Variants in KIF18A observed in about 807,000 individuals in gnomAD.
KIF18A encodes kinesin family member 18A.
In KIF18A, 67 loss-of-function variants were observed where a neutral mutation model predicts 103.3. The ratio of observed to expected loss-of-function variants is 0.65; its 90% confidence interval spans 0.53 to 0.79. The LOEUF (loss-of-function observed/expected upper bound fraction) is 0.79. KIF18A is among the 30% of genes least tolerant of loss of function. KIF18A has a pLI of 0.00. For synonymous variants in KIF18A, 367 were observed against 355.5 expected, an observed-to-expected ratio of 1.03 and a Z score of -0.36; for missense variants, 1,032 against 1,062.5, an observed-to-expected ratio of 0.97 and a Z score of 0.40.
intron 13 of KIF18A, among the ~76,000 whole-genome samples, chr11:28,038,731 A>G (rs539639778): frequency 2.0e-5 from 3 of 151,844 alleles, no homozygotes; most frequent in South Asian, 4.1e-4. Flanking sequence ...ATTCAAAAAC[A>G]GAAGAAAAAT....
Position 28,097,970 on chromosome 11 carries a change from C to G in KIF18A, c.-23G>C. 2 of 1,489,896 alleles carry G rather than the reference C, an allele frequency of 1.3e-6. No homozygotes were observed. The highest frequency in any genetic ancestry group is 1.3e-5 in the South Asian group (1 of 76,066). The allele number at this position is 1,489,896 out of a possible 1,614,324, so 92.3% of individuals were successfully genotyped here. A position where few individuals can be genotyped will look rare whatever the true frequency, so the allele number is the denominator to read the frequency against. On this transcript the variant is annotated 5_prime_UTR_variant, in exon 2 of 17. Transcript: ENST00000263181. The stretch of plus-strand genomic sequence containing the variant: ...CATTGTTGATTATCTTGATTCCTAT[C>G]TGTATAAATACTTGAATACTTCTCT...
chr11:28,074,375 A>C (rs2133544016), intron 10 of KIF18A, among the ~76,000 whole-genome samples: 1 of 152,270 alleles, frequency 6.6e-6, no homozygotes, highest in East Asian at 1.9e-4. Flanking sequence ...GAAGTTCATG[A>C]AAGTGAAAGT....
rs770271392 is a variant in KIF18A, at chr11:28,083,188, C to T, written c.1130G>A (p.Cys377Tyr). 1.9e-6 allele frequency: 3 copies of T among 1,572,256 alleles called. No homozygotes were observed. Among genetic ancestry groups the T allele is most frequent in the Non-Finnish European group, 2.6e-6 (3 of 1,168,188 alleles). Residue 377 changes from cysteine to tyrosine, a missense_variant, in exon 8 of 17, where the codon TGT becomes TAT. By Grantham distance (194) the Cys-to-Tyr change is radical. Transcript: ENST00000263181. Reference sequence around the variant, plus strand: ...ACATACCTCTGCCTTCTGCTCATTACAGATCTTTACATATTGAGTTATATG... The same window carrying T: ...ACATACCTCTGCCTTCTGCTCATTATAGATCTTTACATATTGAGTTATATG... Reference protein sequence around the residue: ...NNHITQYVKICNEQKAEILLL... With the variant: ...NNHITQYVKIYNEQKAEILLL...
intron 10 of KIF18A, among the ~76,000 whole-genome samples, chr11:28,075,941 C>CT (rs897021092): frequency 6.6e-6 from 1 of 151,996 alleles, no homozygotes; most frequent in East Asian, 1.9e-4. Context: ...GTTCAAATGA[C>CT]TTTTTTTTCT....
At chr11:28,088,747 A>G in intron 5 of KIF18A, 26 bp from the exon 6 acceptor site, 1 of 1,557,234 alleles carries the variant, frequency 6.4e-7, no homozygotes, top group Non-Finnish European at 8.8e-7. Flanking sequence ...AAATAGAAAA[A>G]AATGAGGATA....
chr11:28,026,792 AC>A (rs1393161269), intron 15 of KIF18A, among the ~76,000 whole-genome samples: 1 of 151,830 alleles, frequency 6.6e-6, no homozygotes, highest in Non-Finnish European at 1.5e-5. Flanking sequence ...AATTAATGGA[AC>A]AAATGACAAA....
intron 10 of KIF18A, among the ~76,000 whole-genome samples, chr11:28,071,899 G>A (rs1455731585): frequency 5.9e-5 from 9 of 152,154 alleles, no homozygotes; most frequent in Admixed American, 2.6e-4. Flanking sequence ...ATTTACAGTC[G>A]TAGGGACTCT....
chr11:28,043,063 G>A (rs1850581944), intron 13 of KIF18A, among the ~76,000 whole-genome samples: 1 of 151,862 alleles, frequency 6.6e-6, no homozygotes, highest in Non-Finnish European at 1.5e-5. Context: ...TGGGAGTTGG[G>A]GAGAATGAGT....
intron 12 of KIF18A, among the ~76,000 whole-genome samples, chr11:28,060,745 T>C (rs1565079615): frequency 6.6e-6 from 1 of 152,174 alleles, no homozygotes; most frequent in Non-Finnish European, 1.5e-5. Context: ...AACAATGTGG[T>C]TTATGCTAAA....
At chr11:28,059,232 T>C (rs1850827219) in intron 12 of KIF18A, 71 bp from the exon 13 acceptor site, 2 of 1,033,348 alleles carry the variant, frequency 1.9e-6, no homozygotes, top group Non-Finnish European at 2.9e-6. Context: ...AGTTCTTTTA[T>C]GTAACACCCA....
chr11:28,059,883 A>T lies in KIF18A; in HGVS notation c.1713-722T>A, dbSNP rs570896382. ...AGACATATTTTAGGTATACAACATT[A>T]AAACACACACACACACACAAACACA... On this transcript the variant is annotated intron_variant, in intron 12 of 16. Transcript: ENST00000263181. Among the ~76,000 whole-genome samples the T allele has an allele frequency of 3.1e-4, 47 of 152,188 alleles. 1 individual carries two copies. The South Asian group carries it at 9.5e-3, about 31-fold the overall frequency.
intron 1 of KIF18A, among the ~76,000 whole-genome samples, chr11:28,100,380 T>A (rs1851429577): frequency 6.6e-6 from 1 of 152,104 alleles, no homozygotes; most frequent in Non-Finnish European, 1.5e-5. Flanking sequence ...ATCTATTGTG[T>A]TAAATACTGC....
chr11:28,098,874 A>T (rs1028522828), intron 1 of KIF18A, among the ~76,000 whole-genome samples: 1 of 148,002 alleles, frequency 6.8e-6, no homozygotes, highest in Admixed American at 6.9e-5. Context: ...ACAACAACAA[A>T]AAGACAAAAA....
intron 15 of KIF18A, among the ~76,000 whole-genome samples, chr11:28,030,921 A>C (rs530760283): frequency 6.6e-6 from 1 of 151,694 alleles, no homozygotes; most frequent in Admixed American, 6.6e-5. Context: ...GCCAAAAAAC[A>C]CATGAAAAAA....
At chr11:28,057,732 A>C (rs1214929452) in intron 13 of KIF18A, among the ~76,000 whole-genome samples, 1 of 152,180 alleles carries the variant, frequency 6.6e-6, no homozygotes, top group Admixed American at 6.5e-5. Context: ...ATGCACGCAC[A>C]AATGTGAATA....
At chr11:28,087,033 C>A (rs1421459702) in intron 6 of KIF18A, among the ~76,000 whole-genome samples, 2 of 151,336 alleles carry the variant, frequency 1.3e-5, no homozygotes, top group African/African-American at 4.8e-5. Context: ...TCAAAGGTAA[C>A]ATTTTGAACA....
At chr11:28,029,232 A>G (rs921244230) in intron 15 of KIF18A, among the ~76,000 whole-genome samples, 28 of 152,158 alleles carry the variant, frequency 1.8e-4, no homozygotes, top group African/African-American at 5.3e-4. Context: ...ACAAAAAAAG[A>G]GAATTTTAGA....
intron 11 of KIF18A, among the ~76,000 whole-genome samples, chr11:28,066,868 T>G (rs1850937080): frequency 6.6e-6 from 1 of 150,460 alleles, no homozygotes; most frequent in Admixed American, 6.7e-5. Context: ...CTATGTACAC[T>G]TTTCTTTGTA....
chr11:28,048,326 A>C (rs746512632), intron 13 of KIF18A, among the ~76,000 whole-genome samples: 1 of 152,136 alleles, frequency 6.6e-6, no homozygotes, highest in Non-Finnish European at 1.5e-5. Context: ...ACAGACATTT[A>C]ATGGGGTGTC....
Sources: gnomAD v4.1 joint callset for allele counts (sites outside exome capture counted in the v4.1 genomes callset) on GRCh38, gnomAD v4.1.1 for gene constraint, MANE v1.5 for transcripts, NCBI Gene and HGNC (gene_info 2026-07-23, HGNC 2026-07-21) for gene names.